The following STK3 variants were observed in gnomAD, a reference collection of about 807,000 sequenced individuals.
The protein encoded by STK3 is serine/threonine kinase 3, also known as serine/threonine-protein kinase 3.
A neutral mutation model predicts 58.0 loss-of-function variants in STK3; 41 were observed. The observed-to-expected ratio is 0.71, with a 90% CI of 0.55 to 0.92. The LOEUF is 0.92. STK3 is among the 40% of genes least tolerant of loss of function. The pLI is 0.00. For missense variants in STK3, 479 were observed against 602.7 expected, an observed-to-expected ratio of 0.79 and a Z score of 2.15; for synonymous variants, 170 against 191.0, an observed-to-expected ratio of 0.89 and a Z score of 0.91.
chr8:98,498,037 C>A (rs577227764), intron 10 of STK3, among the ~76,000 whole-genome samples: 2 of 152,314 alleles, frequency 1.3e-5, no homozygotes, highest in South Asian at 4.1e-4. Flanking sequence ...GTTATCTGCA[C>A]TTCATCCTTA....
rs1825183701 is a variant in STK3, at chr8:98,698,309, CTT to C, written c.684+8156_684+8157del. Among the ~76,000 whole-genome samples, 3 of 151,842 alleles carry C rather than the reference CTT, an allele frequency of 2.0e-5. No homozygotes were observed. In the South Asian group the frequency reaches 6.3e-4, roughly 32 times the overall value. ...TACAGCACACTGATGGGTCTTGACTCTTTATCCAATTTGCCAGTCTGTGTCTT... is the reference window on the plus strand; with the variant it reads ...TACAGCACACTGATGGGTCTTGACTCTATCCAATTTGCCAGTCTGTGTCTT... On this transcript the variant is annotated intron_variant, in intron 6 of 10. Coordinates refer to ENST00000419617, the MANE Select transcript of STK3 (RefSeq NM_006281.4).
At chr8:98,923,485 A>G (rs751203520) in intron 1 of STK3, among the ~76,000 whole-genome samples, 1 of 152,242 alleles carries the variant, frequency 6.6e-6, no homozygotes, top group African/African-American at 2.4e-5. Flanking sequence ...AAATAACCTC[A>G]TGCAAACATA....
chr8:98,493,984 T>C (rs983020835), intron 10 of STK3, among the ~76,000 whole-genome samples: 1 of 152,246 alleles, frequency 6.6e-6, no homozygotes, highest in African/African-American at 2.4e-5. Context: ...ATCAATTTCA[T>C]TGCTTTTGTT....
At chr8:98,422,803 C>T (rs1181246482) in intron 3 of STK3, among the ~76,000 whole-genome samples, 1 of 152,300 alleles carries the variant, frequency 6.6e-6, no homozygotes. Flanking sequence ...AGCTCTCGAT[C>T]CGCACCCCCA....
chr8:98,374,537 A>G (rs1298438741), intron 2 of STK3, among the ~76,000 whole-genome samples: 1 of 152,272 alleles, frequency 6.6e-6, no homozygotes, highest in Non-Finnish European at 1.5e-5. Flanking sequence ...GACTATGTGC[A>G]CTGTGTACCT....
intron 1 of STK3, among the ~76,000 whole-genome samples, chr8:98,803,109 T>C (rs1390159096): frequency 1.3e-5 from 2 of 152,342 alleles, no homozygotes; most frequent in Admixed American, 1.3e-4. Flanking sequence ...GTTTCTCAAA[T>C]AAACATTCAG....
chr8:98,882,419 T>G (rs989663478), downstream of STK3: 15 of 55,264 alleles, frequency 2.7e-4, no homozygotes, highest in African/African-American at 1.1e-3. Context: ...ATCCTTTTTT[T>G]TTTGTTTTTT....
chr8:98,465,941 T>G (rs1183905521), intron 10 of STK3, among the ~76,000 whole-genome samples: 2 of 152,222 alleles, frequency 1.3e-5, no homozygotes, highest in Non-Finnish European at 2.9e-5. Context: ...AAATACTTAA[T>G]TTGGGCACAC....
chr8:98,736,857 C>G (rs1196624092), intron 4 of STK3, among the ~76,000 whole-genome samples: 1 of 152,020 alleles, frequency 6.6e-6, no homozygotes, highest in Admixed American at 6.6e-5. Flanking sequence ...ATAGAATATG[C>G]AAATTATACA....
chr8:98,861,493 G>A (rs1392556173), intron 3 of STK3, among the ~76,000 whole-genome samples: 3 of 151,604 alleles, frequency 2.0e-5, no homozygotes, highest in African/African-American at 4.8e-5. Flanking sequence ...GACTACAGGC[G>A]CACGCCACCA....
In STK3 at chr8:98,710,537, C is replaced by T. The variant is rs549318376; in HGVS notation, c.352-3226G>A. Among the ~76,000 whole-genome samples, 4 of 152,342 alleles carry T rather than the reference C, an allele frequency of 2.6e-5. No individual in the cohort carries two copies. The South Asian group carries it at 8.3e-4, about 32-fold the overall frequency. ...AGGGTCCTACACCCATGGAGCCTCG[C>T]TCACTGCTAGCACAACAGTGTGAGA... On this transcript the variant is annotated intron_variant, in intron 4 of 10. Coordinates refer to ENST00000419617, the MANE Select transcript of STK3 (RefSeq NM_006281.4).
chr8:98,450,758 G>A (rs1242193784), downstream of STK3, among the ~76,000 whole-genome samples: 1 of 152,196 alleles, frequency 6.6e-6, no homozygotes, highest in Non-Finnish European at 1.5e-5. Flanking sequence ...TCTACATGTA[G>A]GAAGGATGCC....
intron 7 of STK3, among the ~76,000 whole-genome samples, chr8:98,591,951 T>C (rs1041729705): frequency 6.6e-6 from 1 of 152,214 alleles, no homozygotes; most frequent in Non-Finnish European, 1.5e-5. Flanking sequence ...CTTCTGTTAA[T>C]ACATAATCAG....
chr8:98,757,519 C>T (rs1478992575), intron 3 of STK3, among the ~76,000 whole-genome samples: 2 of 145,890 alleles, frequency 1.4e-5, no homozygotes, highest in Non-Finnish European at 3.0e-5. Flanking sequence ...CTCTTGAACC[C>T]GGGAGGCAGA....
chr8:98,679,309 C>T (rs1357275864), intron 6 of STK3, among the ~76,000 whole-genome samples: 1 of 152,152 alleles, frequency 6.6e-6, no homozygotes, highest in African/African-American at 2.4e-5. Flanking sequence ...CACTTCAGCA[C>T]CACAGAACTT....
rs746548261 is a variant in STK3 at position 98,428,815 on chromosome 8, T to C, written n.483+5312A>G. On this transcript the variant is annotated intron_variant and non_coding_transcript_variant, in intron 3 of 3. Transcript: ENST00000517832. This position sits in a 1 kb window ranked among gnomAD's most constrained non-coding sequence, Gnocchi z 6.7. The stretch of plus-strand genomic sequence containing the variant: ...TTTTACATCACTCTGGTGGTGAACC[T>C]GGTGGTGGAGAGCACACCTACTTTA... 6.2e-7 allele frequency: 1 copy of C among 1,614,210 alleles called. No individual in the cohort carries two copies. Among genetic ancestry groups the C allele is most frequent in the East Asian group, 2.2e-5 (1 of 44,886 alleles).
At chr8:98,825,979 C>A (rs1240035330), upstream of STK3, among the ~76,000 whole-genome samples, 1 of 149,780 alleles carries the variant, frequency 6.7e-6, no homozygotes, top group Non-Finnish European at 1.5e-5. Context: ...GCGGGCGGGG[C>A]CGGTGCCGCG....
intron 4 of STK3, among the ~76,000 whole-genome samples, chr8:98,713,170 A>C (rs12545477): frequency 0.34 from 51,045 of 151,922 alleles, 8,889 homozygotes; most frequent in Admixed American, 0.44. Context: ...TAAATACCCA[A>C]AAGAGAAAGC....
intron 10 of STK3, among the ~76,000 whole-genome samples, chr8:98,465,050 G>A (rs556453365): frequency 3.9e-5 from 6 of 152,192 alleles, no homozygotes; most frequent in African/African-American, 7.2e-5. Flanking sequence ...GGAAGAATAC[G>A]GTTTCTCATG....
Sources: allele counts gnomAD v4.1 joint callset (sites outside exome capture counted in the v4.1 genomes callset), GRCh38; gene constraint gnomAD v4.1.1; non-coding constraint Gnocchi (gnomAD v3.1); transcripts MANE v1.5; gene names NCBI Gene and HGNC (gene_info 2026-07-23, HGNC 2026-07-21).